Variants in CTNNA2 observed in about 807,000 individuals in gnomAD.
CTNNA2 encodes the protein catenin alpha 2.
Under a neutral mutation model 101.0 loss-of-function variants are expected in CTNNA2, and 42 were observed. The observed-to-expected ratio is 0.42, with a 90% CI of 0.32 to 0.54. The LOEUF (loss-of-function observed/expected upper bound fraction) is 0.54, where lower values mean the gene tolerates loss of function less well. CTNNA2 is among the 20% of genes least tolerant of loss of function. CTNNA2 has a pLI of 0.14. For synonymous variants in CTNNA2, 450 were observed against 456.4 expected (o/e 0.99, Z 0.18); for missense variants, 871 against 1,223.1 (o/e 0.71, Z 4.29).
chr2:79,944,349 C>G (rs1444265528), intron 7 of CTNNA2, among the ~76,000 whole-genome samples: 4 of 152,150 alleles, frequency 2.6e-5, no homozygotes, highest in African/African-American at 9.7e-5. Context: ...GAGCTATATA[C>G]TTTATTAATT....
At position 79,951,816 on chromosome 2, in the gene CTNNA2, C is replaced by T. The variant is rs181178694; in HGVS notation, c.1056+42019C>T. 4.6e-5 allele frequency among the ~76,000 whole-genome samples: 7 copies of T among 152,308 alleles called. No individual in the cohort carries two copies. In the East Asian group the frequency reaches 1.4e-3, roughly 29 times the overall value. On this transcript the variant is annotated intron_variant, in intron 7 of 18. Transcript: ENST00000402739. The stretch of plus-strand genomic sequence containing the variant: ...GCACTCCTTGAATCGTCTTTCATTT[C>T]CCCAGGAACCTCTGATGATCCTGAT...
At chr2:80,056,412 G>A (rs1045631745) in intron 7 of CTNNA2, among the ~76,000 whole-genome samples, 1 of 152,192 alleles carries the variant, frequency 6.6e-6, no homozygotes, top group African/African-American at 2.4e-5. Context: ...AGATAAGCAA[G>A]GAGACAATGA....
chr2:80,036,401 C>T (rs933487689), intron 7 of CTNNA2, among the ~76,000 whole-genome samples: 1 of 152,032 alleles, frequency 6.6e-6, no homozygotes, highest in African/African-American at 2.4e-5. Context: ...CCAGACCATC[C>T]CTGCAACATA....
chr2:79,907,955 C>T, intron 6 of CTNNA2, among the ~76,000 whole-genome samples: 1 of 152,290 alleles, frequency 6.6e-6, no homozygotes, highest in African/African-American at 2.4e-5. Flanking sequence ...TTCTATCTCT[C>T]TGCTCTGGAG....
chr2:79,352,341 A>G (rs535515760), intron 3 of CTNNA2, among the ~76,000 whole-genome samples: 1 of 151,522 alleles, frequency 6.6e-6, no homozygotes, highest in South Asian at 2.1e-4. Flanking sequence ...GAATTTATCC[A>G]TTTTTTCTGG....
intron 3 of CTNNA2, chr2:79,320,002 T>A (rs1676582094): frequency 6.6e-6 from 1 of 152,172 alleles, no homozygotes; most frequent in South Asian, 2.1e-4. Context: ...TATCTTCATA[T>A]CCTTCAGTAA....
At chr2:79,224,712 C>T (rs1674386557) in intron 2 of CTNNA2, among the ~76,000 whole-genome samples, 1 of 151,838 alleles carries the variant, frequency 6.6e-6, no homozygotes, top group Admixed American at 6.6e-5. Flanking sequence ...TACTGTCAAC[C>T]CAACGAGTCT....
intron 1 of CTNNA2, among the ~76,000 whole-genome samples, chr2:79,617,340 A>G (rs892389748): frequency 2.0e-5 from 3 of 151,896 alleles, no homozygotes; most frequent in Admixed American, 2.0e-4. Flanking sequence ...CCTTATCAAT[A>G]TTTCTTTCTG....
At chr2:80,638,706 T>C (rs1293681604) in intron 18 of CTNNA2, among the ~76,000 whole-genome samples, 2 of 152,350 alleles carry the variant, frequency 1.3e-5, no homozygotes, top group Non-Finnish European at 1.5e-5. Context: ...TAAGATTTCA[T>C]GGGCGTCCCC....
Position 80,460,000 on chromosome 2 carries a change from G to A in CTNNA2, c.1290+40399G>A, listed in dbSNP as rs911140620. On this transcript the variant is annotated intron_variant, in intron 9 of 18. Coordinates refer to ENST00000402739, the MANE Select transcript of CTNNA2 (RefSeq NM_001282597.3). ...CTCAAAATAATTTCCTTTACCCAGC[G>A]TTTATTTGGGAAATCCCCTGACTTC... Among the ~76,000 whole-genome samples the A allele has an allele frequency of 9.2e-5, 14 of 152,074 alleles. No individual in the cohort carries two copies. The East Asian group carries it at 9.7e-4, about 10-fold the overall frequency.
chr2:79,928,182 G>T (rs1173096746), intron 7 of CTNNA2, among the ~76,000 whole-genome samples: 1 of 152,086 alleles, frequency 6.6e-6, no homozygotes, highest in African/African-American at 2.4e-5. Context: ...CCCTTAAGAA[G>T]CTCAAGGATC....
At chr2:80,323,704 G>A (rs1189739813) in intron 7 of CTNNA2, among the ~76,000 whole-genome samples, 1 of 150,760 alleles carries the variant, frequency 6.6e-6, no homozygotes, top group African/African-American at 2.4e-5. Flanking sequence ...TTCTATTAGT[G>A]AATCCATATG....
intron 9 of CTNNA2, among the ~76,000 whole-genome samples, chr2:80,462,774 T>A (rs1430170113): frequency 1.3e-5 from 2 of 151,930 alleles, no homozygotes; most frequent in African/African-American, 4.8e-5. Flanking sequence ...GGAATTAGTC[T>A]ACGCACTCTT....
chr2:80,152,991 T>A (rs76863352), intron 7 of CTNNA2, among the ~76,000 whole-genome samples: 1 of 152,230 alleles, frequency 6.6e-6, no homozygotes, highest in African/African-American at 2.4e-5. Context: ...AGGATCTAAG[T>A]TGTGTTTGTA....
intron 7 of CTNNA2, among the ~76,000 whole-genome samples, chr2:80,116,450 G>A (rs558232842): frequency 2.2e-4 from 34 of 152,070 alleles, no homozygotes; most frequent in African/African-American, 8.2e-4. Context: ...TAACAGAGTG[G>A]TGCAGTTACC....
At chr2:80,029,335 C>G (rs752230507) in intron 7 of CTNNA2, 9 of 152,174 alleles carry the variant, frequency 5.9e-5, no homozygotes, top group Non-Finnish European at 1.0e-4. Flanking sequence ...GTTTCACTTG[C>G]TAGCACCTTG....
intron 18 of CTNNA2, among the ~76,000 whole-genome samples, chr2:80,624,567 A>C (rs1181090872): frequency 6.6e-6 from 1 of 152,018 alleles, no homozygotes; most frequent in African/African-American, 2.4e-5. Context: ...CTTAGTTCAC[A>C]GCAACAAGGA....
intron 3 of CTNNA2, among the ~76,000 whole-genome samples, chr2:79,836,849 A>C (rs1261855020): frequency 6.6e-6 from 1 of 152,098 alleles, no homozygotes; most frequent in Non-Finnish European, 1.5e-5. Context: ...GGCTTACTGC[A>C]GCCTCAACCT....
At chr2:79,921,345 A>C (rs2104381189) in intron 7 of CTNNA2, among the ~76,000 whole-genome samples, 1 of 152,336 alleles carries the variant, frequency 6.6e-6, no homozygotes, top group Admixed American at 6.5e-5. Context: ...AGAAATCATC[A>C]AGTGAAATAT....
Sources: gnomAD v4.1 joint callset for allele counts (sites outside exome capture counted in the v4.1 genomes callset) on GRCh38, gnomAD v4.1.1 for gene constraint, MANE v1.5 for transcripts, NCBI Gene and HGNC (gene_info 2026-07-23, HGNC 2026-07-21) for gene names.